COMMD10: variants seen among roughly 807,000 people sequenced by gnomAD.
COMMD10 encodes the protein COMM domain containing 10.
COMMD10 carries 33 observed loss-of-function variants against 28.9 expected under a neutral mutation model. The observed-to-expected ratio is 1.14, with a 90% CI of 0.87 to 1.53. The LOEUF (loss-of-function observed/expected upper bound fraction) is 1.53, where lower values mean the gene tolerates loss of function less well. Ranked by LOEUF, COMMD10 falls within the 40% of genes most tolerant of loss-of-function variation. COMMD10 has a pLI of 0.00. For missense variants in COMMD10, 310 were observed against 233.4 expected, an observed-to-expected ratio of 1.33 and a Z score of -2.14; for synonymous variants, 110 against 81.7, an observed-to-expected ratio of 1.35 and a Z score of -1.87.
chr5:116,112,968 C>T lies in COMMD10; in HGVS notation c.399+20268C>T, dbSNP rs550743542. Among the ~76,000 whole-genome samples, 21 of 152,168 alleles carry T rather than the reference C, an allele frequency of 1.4e-4. 1 individual carries two copies. In the South Asian group the frequency reaches 3.7e-3, roughly 27 times the overall value. On this transcript the variant is annotated intron_variant, in intron 4 of 6. Coordinates refer to ENST00000274458, the MANE Select transcript of COMMD10 (RefSeq NM_016144.4). Reference sequence around the variant, plus strand: ...ATGATAAATATTGTCCTGTCTCTTCCAAGTTTAGGACTTCTTTGAGCATTT... The same window carrying T: ...ATGATAAATATTGTCCTGTCTCTTCTAAGTTTAGGACTTCTTTGAGCATTT...
chr5:116,189,243 C>A (rs779041971), intron 5 of COMMD10, among the ~76,000 whole-genome samples: 1 of 152,094 alleles, frequency 6.6e-6, no homozygotes, highest in Non-Finnish European at 1.5e-5. Context: ...AAAAGTGATG[C>A]AAAGACATAG....
rs1414578260 is a variant in COMMD10, at chr5:116,253,524, C to A, written c.511-37993C>A. On this transcript the variant is annotated intron_variant, in intron 5 of 6. Coordinates refer to ENST00000274458, the MANE Select transcript of COMMD10 (RefSeq NM_016144.4). ...AGCATGAAGCGTTGTTGAATTTTGT[C>A]AAAGGCCTTTTCTGCATCTGTTGAG... Among the ~76,000 whole-genome samples the A allele has an allele frequency of 1.3e-3, 184 of 143,542 alleles. 1 individual carries two copies. Among genetic ancestry groups the A allele is most frequent in the African/African-American group, 4.5e-3 (171 of 38,314 alleles). The allele number at this position is 143,542 out of a possible 152,430, so 94.2% of individuals were successfully genotyped here. A position where few individuals can be genotyped will look rare whatever the true frequency, so the allele number is the denominator to read the frequency against.
chr5:116,168,999 T>A (rs937884164), intron 5 of COMMD10, among the ~76,000 whole-genome samples: 1 of 151,486 alleles, frequency 6.6e-6, no homozygotes, highest in African/African-American at 2.4e-5. Context: ...CGAAAGGAGA[T>A]AGAGACATGA....
At chr5:116,281,344 G>A (rs1406468981) in intron 5 of COMMD10, among the ~76,000 whole-genome samples, 2 of 151,632 alleles carry the variant, frequency 1.3e-5, no homozygotes, top group African/African-American at 4.9e-5. Flanking sequence ...TAATGGGTAT[G>A]TGCAACATTA....
chr5:116,167,930 G>T (rs1010388660), intron 5 of COMMD10, among the ~76,000 whole-genome samples: 8 of 152,092 alleles, frequency 5.3e-5, no homozygotes, highest in Middle Eastern at 3.4e-3. Context: ...TCAACTAACA[G>T]GCAAAATAAC....
chr5:116,197,418 G>GT (rs1463388207), intron 5 of COMMD10, among the ~76,000 whole-genome samples: 1 of 152,110 alleles, frequency 6.6e-6, no homozygotes, highest in African/African-American at 2.4e-5. Flanking sequence ...ATCTTGCCCT[G>GT]TTGCCCAGGC....
intron 5 of COMMD10, among the ~76,000 whole-genome samples, chr5:116,219,683 T>C (rs1044986890): frequency 1.3e-5 from 2 of 152,184 alleles, no homozygotes; most frequent in Non-Finnish European, 2.9e-5. Context: ...TGAGGGAATA[T>C]ATTTCTTTTT....
At chr5:116,287,538 G>T (rs753576985) in intron 5 of COMMD10, among the ~76,000 whole-genome samples, 1 of 151,632 alleles carries the variant, frequency 6.6e-6, no homozygotes, top group African/African-American at 2.4e-5. Context: ...TAACCAGCCT[G>T]TATCTTTTGA....
chr5:116,105,127 T>C (rs1750797009), intron 4 of COMMD10, among the ~76,000 whole-genome samples: 2 of 152,228 alleles, frequency 1.3e-5, no homozygotes, highest in South Asian at 4.1e-4. Flanking sequence ...TGAGATATGT[T>C]CCATCAATGC....
chr5:116,287,358 A>G (rs1182617249), intron 5 of COMMD10, among the ~76,000 whole-genome samples: 3 of 151,626 alleles, frequency 2.0e-5, no homozygotes, highest in Non-Finnish European at 4.4e-5. Context: ...ATGGTTTTTT[A>G]TTTAAAGTAT....
At chr5:116,221,907 AG>A (rs1749270257) in intron 5 of COMMD10, among the ~76,000 whole-genome samples, 1 of 152,176 alleles carries the variant, frequency 6.6e-6, no homozygotes, top group African/African-American at 2.4e-5. Flanking sequence ...GGAGGTAGAT[AG>A]GCAGGCAGTT....
intron 5 of COMMD10, among the ~76,000 whole-genome samples, chr5:116,140,768 T>A (rs1440284647): frequency 3.9e-5 from 6 of 151,936 alleles, no homozygotes; most frequent in Non-Finnish European, 8.8e-5. Context: ...TAAAATCAAT[T>A]AATCTTAGTA....
At position 116,277,740 on chromosome 5, in the gene COMMD10, G is replaced by A. The variant is rs181469189; in HGVS notation, c.511-13777G>A. On this transcript the variant is annotated intron_variant, in intron 5 of 6. Coordinates refer to ENST00000274458, the MANE Select transcript of COMMD10 (RefSeq NM_016144.4). ...ATTGTCAAATTAACCTCATTTAGGT[G>A]CACACATTGGTTCTCTTTTCCTTGA... Among the ~76,000 whole-genome samples, 43 of 151,980 alleles carry A rather than the reference G, an allele frequency of 2.8e-4. 2 individuals are homozygous for A. The East Asian group carries it at 6.0e-3, about 21-fold the overall frequency.
chr5:116,179,260 G>C (rs1561651344), intron 5 of COMMD10, among the ~76,000 whole-genome samples: 1 of 152,016 alleles, frequency 6.6e-6, no homozygotes, highest in Non-Finnish European at 1.5e-5. Context: ...AAGTGTTGTG[G>C]GAGTTAAATA....
chr5:116,292,394 G>C (rs1751387442), intron 6 of COMMD10, 57 bp from the exon 7 acceptor site: 7 of 1,212,298 alleles, frequency 5.8e-6, no homozygotes, highest in Non-Finnish European at 7.9e-6. Context: ...AATAACACTT[G>C]ATATGAGTTT....
At chr5:116,236,279 G>A (rs556121248) in intron 5 of COMMD10, among the ~76,000 whole-genome samples, 1 of 152,122 alleles carries the variant, frequency 6.6e-6, no homozygotes, top group South Asian at 2.1e-4. Flanking sequence ...TGAGGTGGGT[G>A]GATCACCTGA....
intron 5 of COMMD10, among the ~76,000 whole-genome samples, chr5:116,200,699 A>G (rs369838266): frequency 6.6e-6 from 1 of 151,958 alleles, no homozygotes; most frequent in African/African-American, 2.4e-5. Context: ...AGTTTTGTCC[A>G]TTCAACGGCA....
chr5:116,230,605 G>A (rs1361354277), intron 5 of COMMD10, among the ~76,000 whole-genome samples: 1 of 151,988 alleles, frequency 6.6e-6, no homozygotes, highest in Non-Finnish European at 1.5e-5. Flanking sequence ...GGTGCCTCCT[G>A]TAGTAGTGTC....
chr5:116,099,560 A>T, intron 4 of COMMD10, among the ~76,000 whole-genome samples: 1 of 152,190 alleles, frequency 6.6e-6, no homozygotes, highest in East Asian at 1.9e-4. Flanking sequence ...CATTCCCACC[A>T]ACACTGTACA....
Sources: gnomAD v4.1 joint callset for allele counts (sites outside exome capture counted in the v4.1 genomes callset) on GRCh38, gnomAD v4.1.1 for gene constraint, MANE v1.5 for transcripts, NCBI Gene and HGNC (gene_info 2026-07-23, HGNC 2026-07-21) for gene names.